The following ENTPD5 variants were observed in gnomAD, a reference collection of about 807,000 sequenced individuals.
ENTPD5 encodes ectonucleoside triphosphate diphosphohydrolase 5 (inactive), also known as nucleoside diphosphate phosphatase ENTPD5.
ENTPD5 carries 49 observed loss-of-function variants against 60.2 expected under a neutral mutation model. The observed-to-expected ratio is 0.81, with a 90% confidence interval of 0.65 to 1.03. The LOEUF (loss-of-function observed/expected upper bound fraction) is 1.03. ENTPD5 is among the 50% of genes least tolerant of loss of function. The pLI is 0.00. For missense variants in ENTPD5, 480 were observed against 507.6 expected, an observed-to-expected ratio of 0.95 and a Z score of 0.52; for synonymous variants, 187 against 185.4, an observed-to-expected ratio of 1.01 and a Z score of -0.07.
chr14:73,980,452 C>T (rs1034371283), intron 6 of ENTPD5, among the ~76,000 whole-genome samples: 39 of 151,898 alleles, frequency 2.6e-4, no homozygotes, highest in African/African-American at 5.3e-4. Flanking sequence ...TCAGTAGAGA[C>T]GGGGTTTCAC....
chr14:73,967,711 G>C (rs1480333621), intron 15 of ENTPD5, among the ~76,000 whole-genome samples: 1 of 150,768 alleles, frequency 6.6e-6, no homozygotes, highest in Non-Finnish European at 1.5e-5. Flanking sequence ...GAGGTGGGAG[G>C]GTCACTTGAA....
downstream of ENTPD5, chr14:73,959,664 G>T (rs988408848): frequency 5.3e-5 from 77 of 1,459,836 alleles, no homozygotes; most frequent in African/African-American, 1.0e-3. Flanking sequence ...CCGCCTCCCG[G>T]GTTCAAGCGA....
chr14:73,961,326 G>C, downstream of ENTPD5: 2 of 1,614,202 alleles, frequency 1.2e-6, no homozygotes, highest in Non-Finnish European at 1.7e-6. Context: ...GTTTCCTCTT[G>C]GGTTGGGACA....
intron 14 of ENTPD5, among the ~76,000 whole-genome samples, chr14:73,970,701 T>G (rs2057185763): frequency 6.6e-6 from 1 of 152,198 alleles, no homozygotes. Context: ...TGTGGGGGCT[T>G]AGTTCTAAAT....
At chr14:73,957,578 C>T (rs1240023892), downstream of ENTPD5, among the ~76,000 whole-genome samples, 1 of 152,088 alleles carries the variant, frequency 6.6e-6, no homozygotes, top group East Asian at 1.9e-4. Context: ...ACTGGGACGA[C>T]AGGTGCGCAC....
At chr14:73,958,291 C>A, downstream of ENTPD5, 1 of 1,613,798 alleles carries the variant, frequency 6.2e-7, no homozygotes, top group Non-Finnish European at 8.5e-7. Context: ...GTTGAAGATT[C>A]TTATTTTGCT....
chr14:73,959,611 AG>A (rs2056615270), downstream of ENTPD5: 1 of 1,599,018 alleles, frequency 6.3e-7, no homozygotes, highest in Admixed American at 1.7e-5. Flanking sequence ...GATCCTTGCC[AG>A]GCTGGAGCGC....
intron 3 of ENTPD5, among the ~76,000 whole-genome samples, chr14:73,992,674 A>C (rs1436968522): frequency 4.5e-5 from 6 of 134,298 alleles, no homozygotes; most frequent in African/African-American, 1.2e-4. Flanking sequence ...ACGGAACAAG[A>C]CTCCGTCTCA....
chr14:73,958,482 G>T, downstream of ENTPD5: 1 of 1,406,784 alleles, frequency 7.1e-7, no homozygotes, highest in Non-Finnish European at 9.3e-7. Context: ...GGCCGTCTTA[G>T]GTTGTGAAAT....
At chr14:73,970,748 G>C (rs1453005860) in intron 14 of ENTPD5, among the ~76,000 whole-genome samples, 1 of 152,086 alleles carries the variant, frequency 6.6e-6, no homozygotes, top group Non-Finnish European at 1.5e-5. Flanking sequence ...CCAGAAGACA[G>C]GGAAATATCA....
At position 73,977,389 on chromosome 14, in the gene ENTPD5, A is replaced by G; in HGVS notation, c.442-15T>C. On this transcript the variant is annotated splice_polypyrimidine_tract_variant and intron_variant, in intron 6 of 15. Transcript: ENST00000334696. ...ATCTCCTTTACCTAGAGAAAAAGGA[A>G]AAAAAAAAAAAAAGAATTCCCTAAG... 1 of 1,250,226 alleles carries G rather than the reference A, an allele frequency of 8.0e-7. No individual in the cohort carries two copies. The highest frequency in any genetic ancestry group is 2.3e-5 in the Admixed American group (1 of 42,638). The allele number at this position is 1,250,226 out of a possible 1,614,324, so 77.4% of individuals were successfully genotyped here. A position where few individuals can be genotyped will look rare whatever the true frequency, so the allele number is the denominator to read the frequency against.
In ENTPD5 at chr14:74,015,260, C is replaced by T. The variant is rs182641553; in HGVS notation, c.-131+564G>A. Among the ~76,000 whole-genome samples, 1,054 of 152,010 alleles carry T rather than the reference C, an allele frequency of 6.9e-3. 14 individuals carry two copies. The highest frequency in any genetic ancestry group is 0.024 in the African/African-American group (1,015 of 41,478). ...GAATGATTTATGAAGGGAAACATGG[C>T]CTCTAAGGTAAACCCGAATAAAGTT... On this transcript the variant is annotated intron_variant, in intron 2 of 15. Coordinates refer to ENST00000334696, the MANE Select transcript of ENTPD5 (RefSeq NM_001249.5).
rs35560902 is a variant in ENTPD5 at position 74,005,364 on chromosome 14, C to CAAA, written c.-71+5724_-71+5726dup. On this transcript the variant is annotated intron_variant, in intron 3 of 15. Coordinates refer to ENST00000334696, the MANE Select transcript of ENTPD5 (RefSeq NM_001249.5). ...TGGGTGAGAGAGCAAGACTCGGTCT[C>CAAA]AAAAAAAAAGAAAAGAAATATAGGC... Among the ~76,000 whole-genome samples, 80 of 117,096 alleles carry CAAA rather than the reference C, an allele frequency of 6.8e-4. 3 individuals carry two copies. Among genetic ancestry groups the CAAA allele is most frequent in the Non-Finnish European group, 9.6e-4 (57 of 59,676 alleles). 76.8% of individuals were successfully genotyped at this position (117,096 alleles called of 152,430 possible).
At chr14:74,014,595 C>A (rs1863656955) in intron 2 of ENTPD5, among the ~76,000 whole-genome samples, 2 of 151,946 alleles carry the variant, frequency 1.3e-5, no homozygotes, top group Admixed American at 1.3e-4. Context: ...GGTAACATAT[C>A]TTGTATATAA....
At position 73,964,229 on chromosome 14, in the gene ENTPD5, C is replaced by T. The variant is rs951683500; in HGVS notation, c.*2699G>A. Reference sequence around the variant, plus strand: ...CTTCATATGACAATGATGTTAAACACCATCTGTCACGTACCAGGCCATGTC... The same window carrying T: ...CTTCATATGACAATGATGTTAAACATCATCTGTCACGTACCAGGCCATGTC... On this transcript the variant is annotated 3_prime_UTR_variant, in exon 16 of 16. Transcript: ENST00000334696. The T allele has an allele frequency of 2.0e-5, 3 of 152,170 alleles. No homozygotes were observed. Among genetic ancestry groups the T allele is most frequent in the African/African-American group, 7.2e-5 (3 of 41,418 alleles). 9.4% of individuals were successfully genotyped at this position (152,170 alleles called of 1,614,324 possible). A position where few individuals can be genotyped will look rare whatever the true frequency, so the allele number is the denominator to read the frequency against.
Position 73,968,705 on chromosome 14 carries a change from C to A in ENTPD5, c.1200+1305G>T, listed in dbSNP as rs571382384. Among the ~76,000 whole-genome samples, 6 of 152,062 alleles carry A rather than the reference C, an allele frequency of 3.9e-5. No individual in the cohort carries two copies. The East Asian group carries it at 1.2e-3, about 29-fold the overall frequency. On this transcript the variant is annotated intron_variant, in intron 15 of 15. Transcript: ENST00000334696. ...CCTCCCAAAGTGTTAGGATTACAGG[C>A]GTGAGCCATCAGGCCCGGCTGTATT...
intron 1 of ENTPD5, chr14:74,018,484 GACTC>G (rs2059131800): frequency 6.6e-6 from 1 of 152,138 alleles, no homozygotes; most frequent in East Asian, 1.9e-4. Flanking sequence ...CTTCCTTAAT[GACTC>G]ACTGACTGAC....
downstream of ENTPD5, chr14:73,961,442 G>A (rs2056730371): frequency 1.2e-6 from 2 of 1,614,066 alleles, no homozygotes; most frequent in African/African-American, 1.3e-5. Flanking sequence ...CCTGAACTCT[G>A]CTTTATTCTT....
At chr14:73,983,690 TATTA>T (rs756480815) in intron 5 of ENTPD5, among the ~76,000 whole-genome samples, 3 of 144,828 alleles carry the variant, frequency 2.1e-5, no homozygotes, top group African/African-American at 2.5e-5. Flanking sequence ...TTATTATTAT[TATTA>T]TTTTTTTTGG....
Sources: allele counts gnomAD v4.1 joint callset (sites outside exome capture counted in the v4.1 genomes callset), GRCh38; gene constraint gnomAD v4.1.1; transcripts MANE v1.5; gene names NCBI Gene and HGNC (gene_info 2026-07-23, HGNC 2026-07-21).